Variants in ETFA observed in about 807,000 individuals in gnomAD.
The protein encoded by ETFA is electron transfer flavoprotein subunit alpha, mitochondrial.
In ETFA, 22 loss-of-function variants were observed where a neutral mutation model predicts 46.2. The observed-to-expected ratio is 0.48, with a 90% CI of 0.34 to 0.68. The LOEUF is 0.68. ETFA is among the 30% of genes least tolerant of loss of function. ETFA has a pLI of 0.01. For missense variants in ETFA, 345 were observed against 401.1 expected (o/e 0.86, Z 1.19); for synonymous variants, 131 against 139.9 (o/e 0.94, Z 0.45).
chr15:76,303,811 G>A (rs2039907056), intron 1 of ETFA, among the ~76,000 whole-genome samples: 1 of 152,228 alleles, frequency 6.6e-6, no homozygotes, highest in Non-Finnish European at 1.5e-5. Flanking sequence ...TGCTGGCAAG[G>A]TTGCAGAGAA....
At chr15:76,302,769 G>A (rs903087901) in intron 1 of ETFA, among the ~76,000 whole-genome samples, 7 of 152,148 alleles carry the variant, frequency 4.6e-5, no homozygotes, top group Non-Finnish European at 8.8e-5. Flanking sequence ...GTGGGTGTGT[G>A]GACCAGGAAG....
intron 2 of ETFA, among the ~76,000 whole-genome samples, chr15:76,293,932 C>T (rs2039793362): frequency 6.6e-6 from 1 of 152,200 alleles, no homozygotes; most frequent in Non-Finnish European, 1.5e-5. Context: ...AGCTGCATAG[C>T]AGCATGGGAT....
chr15:76,307,072 C>G (rs1411326896), intron 1 of ETFA, among the ~76,000 whole-genome samples: 1 of 152,182 alleles, frequency 6.6e-6, no homozygotes, highest in African/African-American at 2.4e-5. Context: ...TCCTTCCCAC[C>G]TGACAATAAA....
intron 7 of ETFA, chr15:76,285,015 A>G (rs2039693167): frequency 1.1e-5 from 3 of 281,322 alleles, no homozygotes; most frequent in South Asian, 8.2e-5. Flanking sequence ...CTTGCAATAG[A>G]AGGCTGTCTG....
chr15:76,283,406 G>C (rs903594470), intron 8 of ETFA, among the ~76,000 whole-genome samples: 3 of 152,240 alleles, frequency 2.0e-5, no homozygotes, highest in South Asian at 2.1e-4. Flanking sequence ...TGCTAGGGCT[G>C]GTCTCAAATT....
At chr15:76,226,464 AT>A (rs1474480167) in intron 10 of ETFA, 5 of 160,262 alleles carry the variant, frequency 3.1e-5, no homozygotes, top group African/African-American at 1.2e-4. Flanking sequence ...TGTGCCTGTA[AT>A]CCCAACTACT....
intron 4 of ETFA, 70 bp from the exon 5 acceptor site, chr15:76,288,015 A>C: frequency 2.0e-6 from 2 of 976,376 alleles, no homozygotes; most frequent in Non-Finnish European, 3.3e-6. Context: ...ATCAGTAATG[A>C]CATATTCTAA....
At chr15:76,233,690 C>T (rs2039093229) in intron 9 of ETFA, among the ~76,000 whole-genome samples, 1 of 152,150 alleles carries the variant, frequency 6.6e-6, no homozygotes, top group Non-Finnish European at 1.5e-5. Context: ...CATAAAGGGA[C>T]ATTTGTTAAA....
chr15:76,223,848 T>A (rs1281012358), intron 11 of ETFA, among the ~76,000 whole-genome samples: 1 of 152,188 alleles, frequency 6.6e-6, no homozygotes, highest in Non-Finnish European at 1.5e-5. Context: ...CAATAATGAC[T>A]ACAAAGAAGC....
At chr15:76,279,011 T>C (rs536235476) in intron 8 of ETFA, among the ~76,000 whole-genome samples, 10 of 152,310 alleles carry the variant, frequency 6.6e-5, no homozygotes, top group African/African-American at 2.2e-4. Context: ...CCCATCAGCA[T>C]AGAAGCATGT....
chr15:76,274,621 GC>G, intron 8 of ETFA, 127 bp from the exon 9 acceptor site: 1 of 790,002 alleles, frequency 1.3e-6, no homozygotes. Flanking sequence ...TATACAGAAA[GC>G]TTCAAGGAAT....
chr15:76,262,474 C>CTTTTTTTTTTTT (rs60480510), intron 9 of ETFA, among the ~76,000 whole-genome samples: 1 of 84,688 alleles, frequency 1.2e-5, no homozygotes, highest in Non-Finnish European at 2.2e-5. Flanking sequence ...ATCAAACCCC[C>CTTTTTTTTTTTT]TTTTTTTTTT....
intron 9 of ETFA, among the ~76,000 whole-genome samples, chr15:76,241,662 T>TG (rs1199143706): frequency 6.0e-5 from 9 of 150,782 alleles, no homozygotes; most frequent in Non-Finnish European, 1.2e-4. Context: ...TAGCCAGGCA[T>TG]GGGGGGCGGG....
At chr15:76,231,504 A>T in intron 9 of ETFA, 106 bp from the exon 10 acceptor site, 1 of 672,584 alleles carries the variant, frequency 1.5e-6, no homozygotes, top group Non-Finnish European at 2.5e-6. Flanking sequence ...TATGTTAAAT[A>T]AAATAGAGGC....
At chr15:76,272,813 C>CATAT (rs71143306) in intron 9 of ETFA, among the ~76,000 whole-genome samples, 1,563 of 137,530 alleles carry the variant, frequency 0.011, 84 homozygotes, top group African/African-American at 0.041. Flanking sequence ...AAAATATATA[C>CATAT]ATATATATAT....
At chr15:76,228,744 A>AC (rs1236096920) in intron 10 of ETFA, 28 of 151,104 alleles carry the variant, frequency 1.9e-4, no homozygotes, top group African/African-American at 7.7e-4. Flanking sequence ...CCATATTATT[A>AC]TTATTACTTT....
At chr15:76,301,591 T>A (rs1279229352) in intron 1 of ETFA, among the ~76,000 whole-genome samples, 3 of 152,096 alleles carry the variant, frequency 2.0e-5, no homozygotes, top group Non-Finnish European at 4.4e-5. Flanking sequence ...CACGCCATAG[T>A]CCCAGCTACT....
At chr15:76,239,392 G>A (rs1017084344) in intron 9 of ETFA, among the ~76,000 whole-genome samples, 3 of 152,036 alleles carry the variant, frequency 2.0e-5, no homozygotes, top group Non-Finnish European at 4.4e-5. Context: ...ACTTTTTGTG[G>A]TGAGAACACT....
In ETFA at chr15:76,216,227, AT is replaced by A. The variant is rs1470244205; in HGVS notation, c.*331del. On this transcript the variant is annotated 3_prime_UTR_variant, in exon 12 of 12. Coordinates refer to ENST00000557943, the MANE Select transcript of ETFA (RefSeq NM_000126.4). ...CTCCATGAACAAGAAAGGCAAAAAA[AT>A]AAATAAATAAACAAAATTTTTACTC... 4 of 177,494 alleles carry A rather than the reference AT, an allele frequency of 2.3e-5. No individual in the cohort carries two copies. The highest frequency in any genetic ancestry group is 3.9e-5 in the African/African-American group (1 of 25,868). The allele number at this position is 177,494 out of a possible 1,614,324, so 11.0% of individuals were successfully genotyped here.
Sources: allele counts gnomAD v4.1 joint callset (sites outside exome capture counted in the v4.1 genomes callset), GRCh38; gene constraint gnomAD v4.1.1; transcripts MANE v1.5; gene names NCBI Gene and HGNC (gene_info 2026-07-23, HGNC 2026-07-21).